IPO5: variants seen among roughly 807,000 people sequenced by gnomAD.
The protein encoded by IPO5 is importin 5.
In IPO5, 18 loss-of-function variants were observed where a neutral mutation model predicts 143.3. The observed-to-expected ratio is 0.13, with a 90% CI of 0.09 to 0.19. The LOEUF is 0.19. Ranked by LOEUF, IPO5 falls within the 10% of genes least tolerant of loss-of-function variation. IPO5 has a pLI of 1.00. For synonymous variants in IPO5, 477 were observed against 465.7 expected, an observed-to-expected ratio of 1.02 and a Z score of -0.31; for missense variants, 1,013 against 1,336.9, an observed-to-expected ratio of 0.76 and a Z score of 3.78.
chr13:98,002,561 A>G lies in IPO5; in HGVS notation c.1203A>G (p.Val401=). 6.2e-7 allele frequency: 1 copy of G among 1,614,040 alleles called. No individual in the cohort carries two copies. The highest frequency in any genetic ancestry group is 8.5e-7 in the Non-Finnish European group (1 of 1,179,894). ...TGGAAGGAATTCTAAATGAGATCGT[A>G]AATTTTGTTTTACTTTTTCTCCAGG... ...QQMEGILNEI[V]NFVLLFLQDP... The change falls in exon 14 of 29, where the codon GTA becomes GTG. Residue 401 remains valine (V), a synonymous_variant. Transcript: ENST00000651721.
chr13:97,968,859 T>C (rs1461935602), intron 2 of IPO5, among the ~76,000 whole-genome samples: 1 of 151,938 alleles, frequency 6.6e-6, no homozygotes, highest in Non-Finnish European at 1.5e-5. Context: ...CAGCTAACAT[T>C]TGTATTTTTA....
At chr13:97,993,475 ACT>A (rs1391026128) in intron 11 of IPO5, among the ~76,000 whole-genome samples, 11 of 152,256 alleles carry the variant, frequency 7.2e-5, no homozygotes, top group East Asian at 5.8e-4. Context: ...AGTGTGACAG[ACT>A]CTATCATTTA....
intron 21 of IPO5, among the ~76,000 whole-genome samples, chr13:98,013,299 G>A (rs186791977): frequency 3.8e-4 from 58 of 152,124 alleles, no homozygotes; most frequent in African/African-American, 1.3e-3. Context: ...GGCAGGTCTC[G>A]AACTCCTGAC....
chr13:97,962,858 A>C (rs986817776), intron 2 of IPO5, among the ~76,000 whole-genome samples: 11 of 152,062 alleles, frequency 7.2e-5, no homozygotes, highest in Non-Finnish European at 1.3e-4. Flanking sequence ...ATTTTAAGGA[A>C]TCTGCTACAT....
intron 5 of IPO5, 143 bp from the exon 6 acceptor site, chr13:97,985,278 C>T: frequency 1.6e-6 from 1 of 638,400 alleles, no homozygotes; most frequent in Non-Finnish European, 2.7e-6. Context: ...CAAAATAAGT[C>T]TGTATAATAG....
chr13:97,983,495 A>G (rs1286442536), intron 5 of IPO5, among the ~76,000 whole-genome samples: 2 of 150,608 alleles, frequency 1.3e-5, no homozygotes, highest in East Asian at 2.0e-4. Flanking sequence ...CTAGGATTTT[A>G]TAGTTTCCTA....
At chr13:97,985,657 T>C in intron 6 of IPO5, 44 bp downstream of exon 6, 1 of 1,287,382 alleles carries the variant, frequency 7.8e-7, no homozygotes, top group Non-Finnish European at 1.1e-6. Context: ...CATGGGTATA[T>C]CCTTCCTTTT....
intron 16 of IPO5, among the ~76,000 whole-genome samples, chr13:98,003,898 C>G (rs1276867422): frequency 1.3e-5 from 2 of 151,750 alleles, no homozygotes; most frequent in African/African-American, 2.4e-5. Flanking sequence ...AGTATTCTAA[C>G]CAGAGTGGCA....
At chr13:97,982,263 C>T (rs1249248800) in intron 4 of IPO5, 1 of 399,280 alleles carries the variant, frequency 2.5e-6, no homozygotes, top group Non-Finnish European at 4.4e-6. Context: ...GTTGGGAAAA[C>T]ATGCACACAC....
At position 98,014,009 on chromosome 13, in the gene IPO5, A is replaced by G. The variant is rs374270450; in HGVS notation, c.2153-33A>G. ...CCCTTTAACATTTAAGCAAAATAATAAACAGTCTTTTGAGGTTCCTTAACA... is the reference window on the plus strand; with the variant it reads ...CCCTTTAACATTTAAGCAAAATAATGAACAGTCTTTTGAGGTTCCTTAACA... On this transcript the variant is annotated intron_variant, in intron 21 of 28. Transcript: ENST00000651721. 16 of 1,581,548 alleles carry G rather than the reference A, an allele frequency of 1.0e-5. No individual in the cohort carries two copies. The African/African-American group carries it at 2.0e-4, about 20-fold the overall frequency.
intron 27 of IPO5, among the ~76,000 whole-genome samples, chr13:98,020,463 T>G (rs555126883): frequency 2.0e-5 from 3 of 152,132 alleles, no homozygotes; most frequent in Non-Finnish European, 2.9e-5. Flanking sequence ...GCAGACTACA[T>G]ACTCCTGACC....
chr13:97,965,755 TTGTGTGTGTGTGTG>T (rs35443379), intron 2 of IPO5, among the ~76,000 whole-genome samples: 9 of 146,776 alleles, frequency 6.1e-5, no homozygotes, highest in African/African-American at 7.6e-5. Flanking sequence ...TTCTAATAGT[TTGTGTGTGTGTGTG>T]TGTGTGTGTG....
At chr13:97,989,204 A>G (rs1275266378) in intron 7 of IPO5, 40 bp downstream of exon 7, 1 of 1,122,204 alleles carries the variant, frequency 8.9e-7, no homozygotes. Context: ...ATTTGATTTA[A>G]TGAATGCCCT....
At chr13:97,990,777 A>G (rs1409073943) in intron 9 of IPO5, among the ~76,000 whole-genome samples, 2 of 152,170 alleles carry the variant, frequency 1.3e-5, no homozygotes, top group Non-Finnish European at 2.9e-5. Flanking sequence ...TGTTGTAAGC[A>G]ATTATATGCT....
chr13:97,972,619 A>G lies in IPO5; in HGVS notation c.-5+2789A>G, dbSNP rs368599322. ...ATGGAAGTAGTGCCAAGTCTAATAA[A>G]CTGCAAGGGAAAGGAGCTGGCCATT... On this transcript the variant is annotated intron_variant, in intron 3 of 28. Transcript: ENST00000651721. 5.2e-4 allele frequency among the ~76,000 whole-genome samples: 79 copies of G among 152,310 alleles called. 1 individual carries two copies. The South Asian group carries it at 0.016, about 31-fold the overall frequency.
At chr13:97,960,632 C>T (rs190716852) in intron 2 of IPO5, among the ~76,000 whole-genome samples, 2 of 150,746 alleles carry the variant, frequency 1.3e-5, no homozygotes, top group Admixed American at 6.6e-5. Context: ...GATCTCGGCT[C>T]ACTGCAACCT....
Position 98,015,594 on chromosome 13 carries a change from T to C in IPO5, c.2390T>C (p.Leu797Ser). The C allele has an allele frequency of 6.2e-7, 1 of 1,612,872 alleles. No individual in the cohort carries two copies. The highest frequency in any genetic ancestry group is 8.5e-7 in the Non-Finnish European group (1 of 1,179,112). The change falls in exon 23 of 29, where the codon TTG becomes TCG. Residue 797 changes from leucine to serine, a missense_variant. By Grantham distance (145) the Leu-to-Ser change is moderately radical. Coordinates refer to ENST00000651721, the MANE Select transcript of IPO5 (RefSeq NM_002271.6). Reference protein sequence around the residue: ...NEHFEELGGILKAKLEEHFKN... With the variant: ...NEHFEELGGISKAKLEEHFKN... ...CACTTTGAAGAACTGGGAGGTATAT[T>C]GAAAGCAAAGCTTGAAGAACATTTT... is the stretch of plus-strand genomic sequence containing the variant.
intron 2 of IPO5, among the ~76,000 whole-genome samples, chr13:97,956,389 T>G (rs150547567): frequency 6.6e-6 from 1 of 152,132 alleles, no homozygotes; most frequent in South Asian, 2.1e-4. Context: ...AAGTGCTTTT[T>G]TACAGAAGTC....
chr13:97,971,910 T>C (rs1885857350), intron 3 of IPO5, among the ~76,000 whole-genome samples: 1 of 152,200 alleles, frequency 6.6e-6, no homozygotes, highest in Non-Finnish European at 1.5e-5. Context: ...TGAATTTACA[T>C]ATATTATCCT....
Sources: gnomAD v4.1 joint callset for allele counts (sites outside exome capture counted in the v4.1 genomes callset) on GRCh38, gnomAD v4.1.1 for gene constraint, MANE v1.5 for transcripts, NCBI Gene and HGNC (gene_info 2026-07-23, HGNC 2026-07-21) for gene names.